Variants in CCDC30 observed in about 807,000 individuals in gnomAD.
CCDC30 encodes coiled-coil domain-containing protein 30.
Under a neutral mutation model 100.2 loss-of-function variants are expected in CCDC30, and 70 were observed. The observed-to-expected ratio is 0.70, with a 90% confidence interval of 0.58 to 0.85. CCDC30 has a LOEUF of 0.85. Ranked by LOEUF, CCDC30 falls within the 40% of genes least tolerant of loss-of-function variation. The pLI is 0.00. For missense variants in CCDC30, 652 were observed against 771.2 expected, an observed-to-expected ratio of 0.85 and a Z score of 1.83; for synonymous variants, 233 against 269.5, an observed-to-expected ratio of 0.86 and a Z score of 1.33.
At chr1:42,513,552 C>T (rs760735333) in intron 6 of CCDC30, among the ~76,000 whole-genome samples, 44 of 152,116 alleles carry the variant, frequency 2.9e-4, no homozygotes, top group Non-Finnish European at 4.7e-4. Flanking sequence ...GCACAACTGC[C>T]GGCATTCACC....
At chr1:42,627,594 C>T (rs1449952719) in intron 11 of CCDC30, among the ~76,000 whole-genome samples, 1 of 152,136 alleles carries the variant, frequency 6.6e-6, no homozygotes, top group Non-Finnish European at 1.5e-5. Context: ...GTTTTGTGAG[C>T]CGGTCCCAGG....
At chr1:42,645,276 A>T (rs951443691) in intron 14 of CCDC30, among the ~76,000 whole-genome samples, 1 of 152,112 alleles carries the variant, frequency 6.6e-6, no homozygotes, top group Non-Finnish European at 1.5e-5. Flanking sequence ...CCCATCTAAA[A>T]CATGAGCAAA....
chr1:42,519,698 C>A (rs1316697585), intron 6 of CCDC30, among the ~76,000 whole-genome samples: 2 of 151,884 alleles, frequency 1.3e-5, no homozygotes, highest in African/African-American at 4.8e-5. Flanking sequence ...ATTACAGGCA[C>A]CTGCCACCAT....
intron 6 of CCDC30, among the ~76,000 whole-genome samples, chr1:42,538,161 A>C (rs1017084389): frequency 6.5e-4 from 59 of 90,276 alleles, no homozygotes; most frequent in Non-Finnish European, 1.6e-3. Context: ...AAAAAAAAAA[A>C]AAAAAAAAAA....
chr1:42,636,929 GCACTC>G (rs1260378037), intron 11 of CCDC30, among the ~76,000 whole-genome samples: 13 of 119,672 alleles, frequency 1.1e-4, no homozygotes, highest in Admixed American at 2.3e-4. Context: ...TCCTGCCATT[GCACTC>G]CAGCCTGGGC....
At chr1:42,621,799 C>CTG (rs1646840836) in intron 11 of CCDC30, among the ~76,000 whole-genome samples, 1 of 151,928 alleles carries the variant, frequency 6.6e-6, no homozygotes, top group Non-Finnish European at 1.5e-5. Context: ...GTGTGAGCCA[C>CTG]CGCGCCCGGC....
intron 7 of CCDC30, among the ~76,000 whole-genome samples, chr1:42,566,783 T>G (rs1645615176): frequency 6.6e-6 from 1 of 152,184 alleles, no homozygotes; most frequent in Admixed American, 6.6e-5. Context: ...ATCACTAGAC[T>G]TATTTATCCC....
intron 6 of CCDC30, among the ~76,000 whole-genome samples, chr1:42,534,535 A>G (rs1241815189): frequency 2.6e-5 from 4 of 152,164 alleles, no homozygotes; most frequent in African/African-American, 9.7e-5. Flanking sequence ...TTTAGTATCC[A>G]TTTTTCTAAT....
chr1:42,542,777 T>A (rs1213304559), intron 6 of CCDC30: 1 of 113,670 alleles, frequency 8.8e-6, no homozygotes, highest in Non-Finnish European at 2.1e-5. Context: ...ATGGTCTCGA[T>A]CTCCTGACCT....
At chr1:42,598,026 G>A (rs1425421473) in intron 10 of CCDC30, among the ~76,000 whole-genome samples, 1 of 151,202 alleles carries the variant, frequency 6.6e-6, no homozygotes, top group Admixed American at 6.6e-5. Context: ...CCTTAGCCAG[G>A]TGTGGTGGAG....
chr1:42,613,161 A>C (rs571829530), intron 11 of CCDC30, among the ~76,000 whole-genome samples: 13 of 152,362 alleles, frequency 8.5e-5, no homozygotes, highest in Admixed American at 1.3e-4. Context: ...CTCTATAGAC[A>C]GAGGCTGCCC....
At chr1:42,530,707 T>C (rs1047728720) in intron 6 of CCDC30, among the ~76,000 whole-genome samples, 7 of 152,150 alleles carry the variant, frequency 4.6e-5, no homozygotes, top group African/African-American at 7.2e-5. Flanking sequence ...ATATTAGGCA[T>C]TGTAAGTAAT....
chr1:42,481,526 G>A (rs914977870), intron 2 of CCDC30, among the ~76,000 whole-genome samples: 14 of 145,618 alleles, frequency 9.6e-5, no homozygotes, highest in East Asian at 6.1e-4. Context: ...GCAGTGAGCC[G>A]AGATTATGTC....
At chr1:42,544,321 C>A (rs1240652011) in intron 6 of CCDC30, among the ~76,000 whole-genome samples, 1 of 152,150 alleles carries the variant, frequency 6.6e-6, no homozygotes, top group East Asian at 1.9e-4. Context: ...TTTGTCAAAA[C>A]AAAACAAAAA....
At chr1:42,547,795 G>C (rs1405015370) in intron 6 of CCDC30, among the ~76,000 whole-genome samples, 2 of 152,140 alleles carry the variant, frequency 1.3e-5, no homozygotes, top group Admixed American at 6.5e-5. Context: ...GCAAGACATT[G>C]TGTATCTACC....
the CCDC30 span, chr1:42,456,836 C>A: frequency 6.2e-7 from 1 of 1,613,430 alleles, no homozygotes; most frequent in Non-Finnish European, 8.5e-7. Context: ...CTCTGCCTTC[C>A]CCTATGCCCA....
chr1:42,578,944 G>A (rs1645901353), intron 8 of CCDC30, among the ~76,000 whole-genome samples: 1 of 152,110 alleles, frequency 6.6e-6, no homozygotes. Flanking sequence ...TCTGCCTATG[G>A]GGTAGCCCTG....
intron 10 of CCDC30, among the ~76,000 whole-genome samples, chr1:42,608,060 C>A (rs1457218714): frequency 6.6e-6 from 1 of 151,682 alleles, no homozygotes; most frequent in Non-Finnish European, 1.5e-5. Context: ...ATTACCATGT[C>A]TGTAATTCAG....
chr1:42,562,086 A>G (rs370098005), intron 6 of CCDC30, among the ~76,000 whole-genome samples: 1 of 152,238 alleles, frequency 6.6e-6, no homozygotes, highest in African/African-American at 2.4e-5. Flanking sequence ...GACATTCTTC[A>G]CAGAATTAGA....
Sources: allele counts gnomAD v4.1 joint callset (sites outside exome capture counted in the v4.1 genomes callset), GRCh38; gene constraint gnomAD v4.1.1; transcripts MANE v1.5; gene names NCBI Gene and HGNC (gene_info 2026-07-23, HGNC 2026-07-21).